Variants in CCSER1 observed in about 807,000 individuals in gnomAD.
CCSER1 encodes the protein coiled-coil serine rich protein 1.
A neutral mutation model predicts 82.0 loss-of-function variants in CCSER1; 41 were observed. That is an observed-to-expected ratio of 0.50 (90% CI 0.39 to 0.65). CCSER1 has a LOEUF of 0.65. Among genes scored for constraint, CCSER1 ranks in the 30% least tolerant of loss-of-function variants. CCSER1 has a pLI of 0.00. For synonymous variants in CCSER1, 414 were observed against 383.9 expected (o/e 1.08, Z -0.92); for missense variants, 1,119 against 1,064.2 (o/e 1.05, Z -0.72).
chr4:90,612,350 G>A (rs571951884), intron 5 of CCSER1, among the ~76,000 whole-genome samples: 3 of 152,224 alleles, frequency 2.0e-5, no homozygotes, highest in African/African-American at 7.2e-5. Context: ...GGAGAACGGG[G>A]TATATTTCAT....
At chr4:91,267,232 T>C (rs1235717632) in intron 10 of CCSER1, among the ~76,000 whole-genome samples, 2 of 152,170 alleles carry the variant, frequency 1.3e-5, no homozygotes, top group Non-Finnish European at 2.9e-5. Flanking sequence ...TTTCTATATG[T>C]CAGGTGTGTG....
chr4:90,235,919 C>T (rs755040615), intron 1 of CCSER1, among the ~76,000 whole-genome samples: 5 of 152,106 alleles, frequency 3.3e-5, no homozygotes, highest in Admixed American at 1.3e-4. Context: ...ATTTACAAAG[C>T]TCTATTTACT....
intron 1 of CCSER1, among the ~76,000 whole-genome samples, chr4:90,148,403 TAC>T (rs1413712519): frequency 2.0e-5 from 3 of 152,168 alleles, no homozygotes; most frequent in Admixed American, 1.3e-4. Context: ...AAAAAAATTG[TAC>T]AGTTTTTTTG....
At chr4:91,216,663 C>T (rs1007757310) in intron 10 of CCSER1, among the ~76,000 whole-genome samples, 1 of 152,150 alleles carries the variant, frequency 6.6e-6, no homozygotes, top group Non-Finnish European at 1.5e-5. Flanking sequence ...GAGACTTTCC[C>T]TTAGCAGTCT....
intron 10 of CCSER1, among the ~76,000 whole-genome samples, chr4:91,539,236 C>T (rs1761462311): frequency 6.6e-6 from 1 of 151,892 alleles, no homozygotes; most frequent in South Asian, 2.1e-4. Flanking sequence ...TGTTCTTTAA[C>T]TTGTGTTTGA....
chr4:91,256,719 C>CA (rs921480078), intron 10 of CCSER1, among the ~76,000 whole-genome samples: 2 of 151,808 alleles, frequency 1.3e-5, no homozygotes, highest in African/African-American at 4.8e-5. Flanking sequence ...GTAGGTGGCA[C>CA]AAAAAAAGCC....
At chr4:90,251,871 T>C (rs1028571061) in intron 1 of CCSER1, among the ~76,000 whole-genome samples, 1 of 151,892 alleles carries the variant, frequency 6.6e-6, no homozygotes, top group African/African-American at 2.4e-5. Flanking sequence ...TTGAGTCTTT[T>C]CTCATTTTTC....
intron 10 of CCSER1, among the ~76,000 whole-genome samples, chr4:91,583,039 A>G (rs559943384): frequency 1.3e-5 from 2 of 151,528 alleles, no homozygotes; most frequent in South Asian, 2.1e-4. Context: ...AGCCTAAACT[A>G]TATATGAAAG....
At chr4:91,003,096 GA>G (rs1738186091) in intron 9 of CCSER1, among the ~76,000 whole-genome samples, 1 of 152,182 alleles carries the variant, frequency 6.6e-6, no homozygotes, top group Non-Finnish European at 1.5e-5. Flanking sequence ...CCTGTGATGT[GA>G]ACCATCTGCA....
intron 6 of CCSER1, among the ~76,000 whole-genome samples, chr4:90,633,289 G>A (rs181116281): frequency 9.6e-4 from 146 of 152,172 alleles, no homozygotes; most frequent in South Asian, 3.1e-3. Context: ...GAGGATCAAA[G>A]TAAGTATGTA....
chr4:90,622,654 T>G (rs935009717), intron 5 of CCSER1, among the ~76,000 whole-genome samples: 1 of 152,170 alleles, frequency 6.6e-6, no homozygotes, highest in African/African-American at 2.4e-5. Flanking sequence ...ATTTTCTTAA[T>G]CCAGTCTATC....
chr4:90,168,734 T>A lies in CCSER1; in HGVS notation c.-42+40903T>A, dbSNP rs544874577. On this transcript the variant is annotated intron_variant, in intron 1 of 10. Coordinates refer to ENST00000509176, the MANE Select transcript of CCSER1 (RefSeq NM_001145065.2). ...CCAGCACCATTTATTAAATAGGGAA[T>A]CCTTTCCCCATTTCTTGTTTTTGTC... 1.4e-3 allele frequency among the ~76,000 whole-genome samples: 215 copies of A among 150,256 alleles called. 3 individuals carry two copies. The highest frequency in any genetic ancestry group is 5.1e-3 in the African/African-American group (206 of 40,432).
At chr4:90,693,734 T>C (rs1218016197) in intron 6 of CCSER1, among the ~76,000 whole-genome samples, 2 of 151,966 alleles carry the variant, frequency 1.3e-5, no homozygotes, top group Non-Finnish European at 2.9e-5. Context: ...AAATAAGATA[T>C]AGATATGGCT....
At chr4:90,321,951 T>C (rs966061234) in intron 3 of CCSER1, among the ~76,000 whole-genome samples, 2 of 152,142 alleles carry the variant, frequency 1.3e-5, no homozygotes, top group East Asian at 3.9e-4. Flanking sequence ...ACTTTGTTGA[T>C]AGTTTCCTTT....
At chr4:90,547,319 T>A (rs765775883) in intron 5 of CCSER1, among the ~76,000 whole-genome samples, 1 of 152,072 alleles carries the variant, frequency 6.6e-6, no homozygotes, top group Non-Finnish European at 1.5e-5. Flanking sequence ...TTTACTCTTT[T>A]GAAACTGTTT....
chr4:91,160,123 C>A (rs1384733182), intron 10 of CCSER1, among the ~76,000 whole-genome samples: 2 of 151,874 alleles, frequency 1.3e-5, no homozygotes, highest in Non-Finnish European at 2.9e-5. Flanking sequence ...TCAGTTCCCA[C>A]CTATGAGTGA....
intron 10 of CCSER1, among the ~76,000 whole-genome samples, chr4:91,488,673 C>T (rs147344351): frequency 5.3e-5 from 8 of 152,168 alleles, no homozygotes; most frequent in African/African-American, 9.7e-5. Context: ...TTCGCCTTCA[C>T]CTTCCACCAT....
At chr4:90,424,572 T>C (rs902625370) in intron 4 of CCSER1, among the ~76,000 whole-genome samples, 1 of 152,192 alleles carries the variant, frequency 6.6e-6, no homozygotes, top group African/African-American at 2.4e-5. Context: ...TGATCTTCAC[T>C]ATTCTCACAT....
intron 10 of CCSER1, among the ~76,000 whole-genome samples, chr4:91,220,311 T>G (rs1458007644): frequency 1.3e-5 from 2 of 152,230 alleles, no homozygotes; most frequent in East Asian, 3.8e-4. Context: ...GCTCGTTTCT[T>G]GCATGCTGCT....
Sources: allele counts gnomAD v4.1 joint callset (sites outside exome capture counted in the v4.1 genomes callset), GRCh38; gene constraint gnomAD v4.1.1; transcripts MANE v1.5; gene names NCBI Gene and HGNC (gene_info 2026-07-23, HGNC 2026-07-21).